PDZD2: variants seen among roughly 807,000 people sequenced by gnomAD.
PDZD2 encodes PDZ domain containing 2.
Under a neutral mutation model 220.7 loss-of-function variants are expected in PDZD2, and 90 were observed. The ratio of observed to expected loss-of-function variants is 0.41; its 90% CI spans 0.34 to 0.49. The LOEUF (loss-of-function observed/expected upper bound fraction) is 0.49, where lower values mean the gene tolerates loss of function less well. PDZD2 is among the 20% of genes least tolerant of loss of function. The pLI is 0.28. For synonymous variants in PDZD2, 1,375 were observed against 1,450.5 expected (o/e 0.95, Z 1.18); for missense variants, 3,174 against 3,608.5 (o/e 0.88, Z 3.08).
At chr5:31,941,328 G>T (rs1293862084) in intron 2 of PDZD2, among the ~76,000 whole-genome samples, 1 of 152,186 alleles carries the variant, frequency 6.6e-6, no homozygotes, top group Non-Finnish European at 1.5e-5. Context: ...CTGCCCATGG[G>T]ATAGAGGCTT....
intron 2 of PDZD2, among the ~76,000 whole-genome samples, chr5:31,949,026 A>G (rs1375267711): frequency 1.5e-5 from 2 of 135,660 alleles, no homozygotes; most frequent in African/African-American, 5.6e-5. Context: ...TGAACCCAGG[A>G]GGCGGAGGTT....
At chr5:31,778,633 C>T (rs879672955) in intron 1 of PDZD2, among the ~76,000 whole-genome samples, 1 of 152,124 alleles carries the variant, frequency 6.6e-6, no homozygotes, top group Non-Finnish European at 1.5e-5. Context: ...CACGTCCGAA[C>T]GTCAGAAGGA....
rs142692812 is a variant in PDZD2 at position 31,793,633 on chromosome 5, C to T, written c.-360-5256C>T. ...ACCAGCCTGGCCAACATGACAAAAC[C>T]CCATCTCTACTAAAAATACAAAAAA... On this transcript the variant is annotated intron_variant, in intron 1 of 24. Coordinates refer to ENST00000438447, the MANE Select transcript of PDZD2 (RefSeq NM_178140.4). Among the ~76,000 whole-genome samples the T allele has an allele frequency of 4.0e-3, 609 of 152,230 alleles. 3 individuals are homozygous for T. Among genetic ancestry groups the T allele is most frequent in the African/African-American group, 0.014 (570 of 41,542 alleles).
chr5:32,030,175 C>T (rs1755010830), intron 6 of PDZD2, among the ~76,000 whole-genome samples: 1 of 152,204 alleles, frequency 6.6e-6, no homozygotes, highest in Non-Finnish European at 1.5e-5. Context: ...CAGTCCTGGG[C>T]CACATTTTCC....
intron 8 of PDZD2, among the ~76,000 whole-genome samples, chr5:32,050,325 C>A (rs1022809498): frequency 2.0e-5 from 3 of 152,164 alleles, no homozygotes; most frequent in Non-Finnish European, 4.4e-5. Context: ...GCTGAGGAAA[C>A]CCGACAGCAT....
chr5:31,652,504 C>T (rs1358910566), intron 1 of PDZD2, among the ~76,000 whole-genome samples: 1 of 152,198 alleles, frequency 6.6e-6, no homozygotes, highest in East Asian at 1.9e-4. Flanking sequence ...AGTGCTTATA[C>T]TTTGTCCTCA....
chr5:31,659,082 T>C (rs1429913736), intron 1 of PDZD2, among the ~76,000 whole-genome samples: 1 of 152,182 alleles, frequency 6.6e-6, no homozygotes, highest in Non-Finnish European at 1.5e-5. Context: ...ACTGCTCTTT[T>C]ATGAAACTCT....
chr5:31,753,049 A>G (rs1347434370), intron 1 of PDZD2, among the ~76,000 whole-genome samples: 1 of 152,178 alleles, frequency 6.6e-6, no homozygotes, highest in Non-Finnish European at 1.5e-5. Context: ...TATGATTGGT[A>G]TTTTCAGCAG....
chr5:31,705,211 TA>T (rs1747770717), intron 1 of PDZD2, among the ~76,000 whole-genome samples: 1 of 14,554 alleles, frequency 6.9e-5, no homozygotes, highest in Non-Finnish European at 1.2e-4. Flanking sequence ...CACACACACA[TA>T]CACACTCACA....
At chr5:31,773,125 T>C (rs1002879569) in intron 1 of PDZD2, among the ~76,000 whole-genome samples, 4 of 152,200 alleles carry the variant, frequency 2.6e-5, no homozygotes, top group African/African-American at 9.6e-5. Context: ...AAGTCGTTGG[T>C]ACAGGGAGCA....
chr5:31,793,118 G>A (rs144310904), intron 1 of PDZD2, among the ~76,000 whole-genome samples: 101 of 152,146 alleles, frequency 6.6e-4, no homozygotes, highest in African/African-American at 2.0e-3. Flanking sequence ...GATTACAGGC[G>A]TGAGCCACTG....
rs1281528587 is a variant in PDZD2 at position 31,935,059 on chromosome 5, A to G, written c.477-48096A>G. On this transcript the variant is annotated intron_variant, in intron 2 of 24. Transcript: ENST00000438447. Reference sequence around the variant, plus strand: ...GCCGAGATTACTCCACTGCACTCCCACCTGGGCAACAGAGCCAGACCCTGT... The same window carrying G: ...GCCGAGATTACTCCACTGCACTCCCGCCTGGGCAACAGAGCCAGACCCTGT... Among the ~76,000 whole-genome samples the G allele has an allele frequency of 2.0e-5, 3 of 149,164 alleles. No individual in the cohort carries two copies. The East Asian group carries it at 5.9e-4, about 29-fold the overall frequency.
chr5:32,054,648 C>T (rs1041101092), intron 10 of PDZD2, among the ~76,000 whole-genome samples: 1 of 152,036 alleles, frequency 6.6e-6, no homozygotes, highest in Non-Finnish European at 1.5e-5. Context: ...TTTTAATTCT[C>T]AATAGCACCT....
rs138759971 is a variant in PDZD2, at chr5:32,088,174, G to A, written c.4726G>A (p.Gly1576Ser). The A allele has an allele frequency of 1.3e-4, 216 of 1,614,056 alleles. 2 individuals are homozygous for A. The East Asian group carries it at 3.4e-3, about 26-fold the overall frequency. Residue 1576 changes from glycine (G) to serine (S), a missense_variant, in exon 20 of 25, where the codon GGC becomes AGC. Transcript: ENST00000438447. This position sits in a 1 kb window ranked among gnomAD's most constrained non-coding sequence, Gnocchi z 4.6. ...AGCCCCACGAGCTTCTGCCAGGGAC[G>A]GCTGGTCCCCTCCTCGTTCCCGTGT... ...TEAPRASARD[G>S]WSPPRSRVSL...
At chr5:31,933,576 C>T (rs1193055088) in intron 2 of PDZD2, among the ~76,000 whole-genome samples, 1 of 152,108 alleles carries the variant, frequency 6.6e-6, no homozygotes, top group Non-Finnish European at 1.5e-5. Flanking sequence ...GGCTTTGTGA[C>T]CCGCTGGACA....
chr5:31,831,934 A>AAAG (rs1554080789), intron 2 of PDZD2, among the ~76,000 whole-genome samples: 2 of 149,066 alleles, frequency 1.3e-5, no homozygotes, highest in African/African-American at 4.9e-5. Flanking sequence ...AAAAAAAAAA[A>AAAG]GAATAACGAT....
Position 32,091,243 on chromosome 5 carries a change from A to G in PDZD2, c.7727+68A>G. ...CATTTTGGAATAGTTTTAGATTTAT[A>G]GAAAAGTTGCAAAGATAATGCAGAG... On this transcript the variant is annotated intron_variant, in intron 20 of 24. Coordinates refer to ENST00000438447, the MANE Select transcript of PDZD2 (RefSeq NM_178140.4). 3 of 1,171,496 alleles carry G rather than the reference A, an allele frequency of 2.6e-6. No homozygotes were observed. In the South Asian group the frequency reaches 5.4e-5, roughly 21 times the overall value. The allele number at this position is 1,171,496 out of a possible 1,614,324, so 72.6% of individuals were successfully genotyped here. A position where few individuals can be genotyped will look rare whatever the true frequency, so the allele number is the denominator to read the frequency against.
intron 2 of PDZD2, among the ~76,000 whole-genome samples, chr5:31,915,008 G>C (rs1460824585): frequency 6.6e-6 from 1 of 152,332 alleles, no homozygotes; most frequent in East Asian, 1.9e-4. Flanking sequence ...CGTGTACCTA[G>C]TTGTCCCTGT....
At chr5:31,734,386 C>T (rs891077995) in intron 1 of PDZD2, among the ~76,000 whole-genome samples, 4 of 152,264 alleles carry the variant, frequency 2.6e-5, no homozygotes, top group Non-Finnish European at 4.4e-5. Flanking sequence ...GTGATGTGAT[C>T]TCAGCTTACT....
Sources: allele counts gnomAD v4.1 joint callset (sites outside exome capture counted in the v4.1 genomes callset), GRCh38; gene constraint gnomAD v4.1.1; non-coding constraint Gnocchi (gnomAD v3.1); transcripts MANE v1.5; gene names NCBI Gene and HGNC (gene_info 2026-07-23, HGNC 2026-07-21).